HS3ST4: variants seen among roughly 807,000 people sequenced by gnomAD.
HS3ST4 encodes heparan sulfate glucosamine 3-O-sulfotransferase 4.
Under a neutral mutation model 29.2 loss-of-function variants are expected in HS3ST4, and 17 were observed. The ratio of observed to expected loss-of-function variants is 0.58; its 90% CI spans 0.40 to 0.87. The LOEUF is 0.87. Among genes scored for constraint, HS3ST4 ranks in the 40% least tolerant of loss-of-function variants. HS3ST4 has a pLI of 0.00. For synonymous variants in HS3ST4, 314 were observed against 285.7 expected (o/e 1.10, Z -1.00); for missense variants, 627 against 634.5 (o/e 0.99, Z 0.13).
chr16:25,745,069 A>G (rs1386775886), intron 1 of HS3ST4, among the ~76,000 whole-genome samples: 1 of 152,190 alleles, frequency 6.6e-6, no homozygotes, highest in Admixed American at 6.5e-5. Context: ...GAAAGTCTTG[A>G]AAACGATTCT....
intron 1 of HS3ST4, among the ~76,000 whole-genome samples, chr16:25,864,818 T>C (rs1967676643): frequency 6.6e-6 from 1 of 151,678 alleles, no homozygotes; most frequent in African/African-American, 2.4e-5. Flanking sequence ...CCATTGTATA[T>C]ATATTTATAA....
intron 1 of HS3ST4, among the ~76,000 whole-genome samples, chr16:26,071,948 T>C (rs1898608302): frequency 6.6e-6 from 1 of 152,200 alleles, no homozygotes; most frequent in Non-Finnish European, 1.5e-5. Context: ...TGGAAGCATA[T>C]GACTTGGGCC....
chr16:25,701,451 A>G (rs982010913), intron 1 of HS3ST4, among the ~76,000 whole-genome samples: 9 of 152,136 alleles, frequency 5.9e-5, no homozygotes, highest in African/African-American at 1.4e-4. Flanking sequence ...ACCACATGAA[A>G]TAGTTTCCCC....
intron 1 of HS3ST4, among the ~76,000 whole-genome samples, chr16:26,120,338 CTAAT>C (rs1899259463): frequency 6.6e-6 from 1 of 152,114 alleles, no homozygotes; most frequent in Non-Finnish European, 1.5e-5. Flanking sequence ...GTAGGATACA[CTAAT>C]TAATTTATGA....
chr16:25,732,133 A>G (rs1966573481), intron 1 of HS3ST4, among the ~76,000 whole-genome samples: 1 of 152,118 alleles, frequency 6.6e-6, no homozygotes, highest in African/African-American at 2.4e-5. Context: ...GGCTTTCCAT[A>G]ATTGAATTTT....
chr16:26,109,276 G>A (rs1013318455), intron 1 of HS3ST4, among the ~76,000 whole-genome samples: 3 of 152,104 alleles, frequency 2.0e-5, no homozygotes, highest in African/African-American at 7.2e-5. Flanking sequence ...CTATTTCAGC[G>A]GCCCCGTTTC....
At chr16:25,969,600 T>A (rs924237238) in intron 1 of HS3ST4, among the ~76,000 whole-genome samples, 7 of 152,186 alleles carry the variant, frequency 4.6e-5, no homozygotes, top group African/African-American at 1.7e-4. Context: ...GGGACAACTC[T>A]CTTAGCATCT....
chr16:25,954,577 A>C (rs1270268205), intron 1 of HS3ST4, among the ~76,000 whole-genome samples: 1 of 152,238 alleles, frequency 6.6e-6, no homozygotes, highest in Admixed American at 6.5e-5. Context: ...CCCACCTCTT[A>C]ATCACTATGT....
chr16:25,916,253 C>G (rs554487999), intron 1 of HS3ST4, among the ~76,000 whole-genome samples: 1 of 152,322 alleles, frequency 6.6e-6, no homozygotes, highest in East Asian at 1.9e-4. Flanking sequence ...ATGCTCTGCA[C>G]TGAAGATGTG....
At chr16:25,712,761 G>A (rs1027090576) in intron 1 of HS3ST4, among the ~76,000 whole-genome samples, 1 of 152,142 alleles carries the variant, frequency 6.6e-6, no homozygotes, top group Non-Finnish European at 1.5e-5. Context: ...TTTCATATGA[G>A]AAAAGAATCC....
intron 1 of HS3ST4, among the ~76,000 whole-genome samples, chr16:25,838,257 A>C (rs186885162): frequency 1.0e-3 from 152 of 152,354 alleles, no homozygotes; most frequent in Middle Eastern, 3.4e-3. Flanking sequence ...TCTTAGCTTT[A>C]GTGGGACTAC....
chr16:25,852,890 T>G (rs1250260033), intron 1 of HS3ST4, among the ~76,000 whole-genome samples: 1 of 152,218 alleles, frequency 6.6e-6, no homozygotes, highest in Admixed American at 6.5e-5. Flanking sequence ...GTGTGTGCAA[T>G]GTGAAGGATG....
At chr16:25,929,776 T>C (rs1393448492) in intron 1 of HS3ST4, among the ~76,000 whole-genome samples, 21 of 152,218 alleles carry the variant, frequency 1.4e-4, no homozygotes, top group Admixed American at 1.4e-3. Flanking sequence ...GTGATTCTTT[T>C]TAAAAATATA....
At chr16:26,091,365 A>G (rs1259468718) in intron 1 of HS3ST4, among the ~76,000 whole-genome samples, 1 of 152,198 alleles carries the variant, frequency 6.6e-6, no homozygotes, top group Non-Finnish European at 1.5e-5. Context: ...GGCACATAAT[A>G]GATACTCAAT....
At chr16:25,840,624 A>G (rs1340622034) in intron 1 of HS3ST4, among the ~76,000 whole-genome samples, 3 of 152,170 alleles carry the variant, frequency 2.0e-5, no homozygotes, top group African/African-American at 7.2e-5. Context: ...CATAAAGGGC[A>G]TTTTACAATG....
chr16:25,743,075 C>T (rs1439748372), intron 1 of HS3ST4, among the ~76,000 whole-genome samples: 1 of 152,192 alleles, frequency 6.6e-6, no homozygotes, highest in Admixed American at 6.5e-5. Flanking sequence ...GTTGCAACCT[C>T]AACATTCCAG....
At chr16:26,062,863 C>G in intron 1 of HS3ST4, 1 of 279,300 alleles carries the variant, frequency 3.6e-6, no homozygotes, top group Non-Finnish European at 7.2e-6. Flanking sequence ...CTCCAACTTT[C>G]ACTACATATT....
At chr16:26,092,835 G>C (rs1236888010) in intron 1 of HS3ST4, among the ~76,000 whole-genome samples, 1 of 152,136 alleles carries the variant, frequency 6.6e-6, no homozygotes, top group Non-Finnish European at 1.5e-5. Context: ...CCCTTTCCTA[G>C]CCAGGGAAGC....
chr16:25,949,000 G>T (rs1292237655), intron 1 of HS3ST4, among the ~76,000 whole-genome samples: 1 of 152,038 alleles, frequency 6.6e-6, no homozygotes, highest in African/African-American at 2.4e-5. Context: ...GACTCCCTCA[G>T]ATGCAGAACA....
Sources: allele counts gnomAD v4.1 joint callset (sites outside exome capture counted in the v4.1 genomes callset), GRCh38; gene constraint gnomAD v4.1.1; transcripts MANE v1.5; gene names NCBI Gene and HGNC (gene_info 2026-07-23, HGNC 2026-07-21).